Variants in CLYBL observed in about 807,000 individuals in gnomAD.
The protein encoded by CLYBL is citramalyl-CoA lyase, mitochondrial.
Under a neutral mutation model 38.9 loss-of-function variants are expected in CLYBL, and 31 were observed. That is an observed-to-expected ratio of 0.80 (90% confidence interval 0.60 to 1.08). CLYBL has a LOEUF of 1.08. CLYBL is among the 50% of genes least tolerant of loss of function. CLYBL has a pLI of 0.00. For missense variants in CLYBL, 434 were observed against 411.6 expected (o/e 1.05, Z -0.47); for synonymous variants, 171 against 158.6 (o/e 1.08, Z -0.59).
At chr13:99,641,580 G>C (rs909443103) in intron 1 of CLYBL, among the ~76,000 whole-genome samples, 2 of 151,868 alleles carry the variant, frequency 1.3e-5, no homozygotes, top group Non-Finnish European at 2.9e-5. Context: ...CAAGGTGGGC[G>C]GATCATGAGG....
chr13:99,682,408 C>G (rs1411096503), intron 1 of CLYBL, among the ~76,000 whole-genome samples: 1 of 152,096 alleles, frequency 6.6e-6, no homozygotes, highest in African/African-American at 2.4e-5. Context: ...TCCCAAAGTG[C>G]TGGGATAACA....
chr13:99,743,389 A>G (rs1483781388), intron 1 of CLYBL, among the ~76,000 whole-genome samples: 2 of 152,222 alleles, frequency 1.3e-5, no homozygotes, highest in East Asian at 3.8e-4. Context: ...TCACTTGCGT[A>G]TAAAGAAATA....
intron 1 of CLYBL, among the ~76,000 whole-genome samples, chr13:99,634,523 C>T (rs2046992192): frequency 6.6e-6 from 1 of 151,964 alleles, no homozygotes; most frequent in African/African-American, 2.4e-5. Flanking sequence ...GAAGGACACG[C>T]AAGAAAACTT....
intron 2 of CLYBL, among the ~76,000 whole-genome samples, chr13:99,843,590 G>C (rs1009322583): frequency 6.9e-6 from 1 of 144,658 alleles, no homozygotes; most frequent in Non-Finnish European, 1.5e-5. Context: ...GCAAACAGCT[G>C]GGGAAAAATT....
chr13:99,634,564 G>A (rs2046993039), intron 1 of CLYBL, among the ~76,000 whole-genome samples: 1 of 152,136 alleles, frequency 6.6e-6, no homozygotes, highest in Admixed American at 6.5e-5. Context: ...GTGGAAAAGG[G>A]GAAGAGATTG....
intron 2 of CLYBL, among the ~76,000 whole-genome samples, chr13:99,807,768 A>G (rs558916072): frequency 1.9e-4 from 29 of 152,200 alleles, no homozygotes; most frequent in Non-Finnish European, 3.5e-4. Flanking sequence ...TACACTCTAA[A>G]GGGTTTAAAA....
intron 1 of CLYBL, among the ~76,000 whole-genome samples, chr13:99,664,114 A>C (rs1364105088): frequency 6.6e-6 from 1 of 152,220 alleles, no homozygotes; most frequent in Non-Finnish European, 1.5e-5. Flanking sequence ...ATAACTCTTG[A>C]CCGCTGACAT....
intron 1 of CLYBL, among the ~76,000 whole-genome samples, chr13:99,654,558 G>A (rs1244345986): frequency 6.6e-6 from 1 of 152,198 alleles, no homozygotes; most frequent in African/African-American, 2.4e-5. Flanking sequence ...GGTCTCCAAA[G>A]CAATCCCATC....
intron 2 of CLYBL, among the ~76,000 whole-genome samples, chr13:99,793,738 T>A (rs2049965629): frequency 6.6e-6 from 1 of 152,172 alleles, no homozygotes; most frequent in African/African-American, 2.4e-5. Flanking sequence ...AGATGCAGGC[T>A]TTAAATTGCC....
chr13:99,781,635 CT>C (rs2049657134), intron 2 of CLYBL, among the ~76,000 whole-genome samples: 1 of 152,134 alleles, frequency 6.6e-6, no homozygotes, highest in South Asian at 2.1e-4. Flanking sequence ...GCCACCACGT[CT>C]GGCTAATTTT....
intron 1 of CLYBL, among the ~76,000 whole-genome samples, chr13:99,612,386 C>CTTTT (rs56097059): frequency 0.24 from 26,657 of 112,024 alleles, 4,420 homozygotes; most frequent in East Asian, 0.54. Context: ...GACCTTTCTA[C>CTTTT]TTTTTTTTTT....
intron 1 of CLYBL, among the ~76,000 whole-genome samples, chr13:99,736,109 ATCTTGGCTCACTGCAACCTCTGCC>A (rs2139586076): frequency 7.1e-6 from 1 of 141,792 alleles, no homozygotes; most frequent in South Asian, 2.2e-4. Context: ...CAGTAGCGCA[ATCTTGGCTCACTGCAACCTCTGCC>A]TCCCGAGTTC....
chr13:99,652,763 G>C (rs1382327508), intron 1 of CLYBL, among the ~76,000 whole-genome samples: 1 of 152,222 alleles, frequency 6.6e-6, no homozygotes, highest in African/African-American at 2.4e-5. Context: ...CCACTCAGAG[G>C]CCTCCACATA....
At chr13:99,699,720 G>T (rs987712516) in intron 1 of CLYBL, among the ~76,000 whole-genome samples, 3 of 149,370 alleles carry the variant, frequency 2.0e-5, no homozygotes, top group Non-Finnish European at 3.0e-5. Context: ...TAGGCCAGGC[G>T]CAGTGGCTCA....
chr13:99,787,067 A>G (rs2049811480), intron 2 of CLYBL, among the ~76,000 whole-genome samples: 1 of 151,518 alleles, frequency 6.6e-6, no homozygotes, highest in South Asian at 2.1e-4. Context: ...TTTTTCTTGT[A>G]AATTTGTTTG....
chr13:99,771,051 T>TTTTTGG, intron 1 of CLYBL, among the ~76,000 whole-genome samples: 1 of 109,744 alleles, frequency 9.1e-6, no homozygotes, highest in Non-Finnish European at 1.7e-5. Context: ...TTTTTTTTTT[T>TTTTTGG]GAGGCAAGGT....
intron 1 of CLYBL, among the ~76,000 whole-genome samples, chr13:99,720,962 T>TTAACATCTTCCATCTCC (rs1490590864): frequency 6.6e-6 from 1 of 152,198 alleles, no homozygotes; most frequent in African/African-American, 2.4e-5. Context: ...CCCTCGTTTC[T>TTAACATCTTCCATCTCC]TAACATCTTC....
intron 3 of CLYBL, 50 bp downstream of exon 3, chr13:99,859,099 T>A: frequency 6.7e-7 from 1 of 1,488,806 alleles, no homozygotes; most frequent in Non-Finnish European, 9.1e-7. Flanking sequence ...TAAGGAGGAG[T>A]AGCAGGAAGA....
intron 1 of CLYBL, among the ~76,000 whole-genome samples, chr13:99,617,855 C>A (rs746618060): frequency 6.6e-6 from 1 of 152,220 alleles, no homozygotes; most frequent in Non-Finnish European, 1.5e-5. Context: ...TGTCGTCAGC[C>A]TGAAGCCCTC....
Sources: allele counts gnomAD v4.1 joint callset (sites outside exome capture counted in the v4.1 genomes callset), GRCh38; gene constraint gnomAD v4.1.1; transcripts MANE v1.5; gene names NCBI Gene and HGNC (gene_info 2026-07-23, HGNC 2026-07-21).